Variants in RBFOX1 observed in about 807,000 individuals in gnomAD.
The protein encoded by RBFOX1 is RNA binding fox-1 homolog 1.
Under a neutral mutation model 57.7 loss-of-function variants are expected in RBFOX1, and 8 were observed. That is an observed-to-expected ratio of 0.14 (90% CI 0.08 to 0.25). RBFOX1 has a LOEUF of 0.25. Among genes scored for constraint, RBFOX1 ranks in the 10% least tolerant of loss-of-function variants. The pLI is 1.00. For missense variants in RBFOX1, 611 were observed against 548.5 expected (o/e 1.11, Z -1.14); for synonymous variants, 326 against 222.4 (o/e 1.47, Z -4.15).
At chr16:6,367,451 T>C (rs1305805603) in intron 2 of RBFOX1, among the ~76,000 whole-genome samples, 2 of 152,092 alleles carry the variant, frequency 1.3e-5, no homozygotes, top group African/African-American at 4.8e-5. Flanking sequence ...TTTGCATTTT[T>C]ACTAGAGACA....
At chr16:6,089,179 C>G (rs959730947) in intron 1 of RBFOX1, among the ~76,000 whole-genome samples, 13 of 151,592 alleles carry the variant, frequency 8.6e-5, no homozygotes, top group Admixed American at 4.6e-4. Context: ...GCGAGAATTG[C>G]TAAAGTTGAG....
At position 7,317,552 on chromosome 16, in the gene RBFOX1, A is replaced by G. The variant is rs565908604; in HGVS notation, c.28-200595A>G. ...TATGAGTTGGTAGCAGTCACCAAAG[A>G]CAAAGGCACTCACCAGCTTGGTAAG... On this transcript the variant is annotated intron_variant, in intron 4 of 15. Transcript: ENST00000550418. Among the ~76,000 whole-genome samples, 109 of 152,288 alleles carry G rather than the reference A, an allele frequency of 7.2e-4. No homozygotes were observed. The South Asian group carries it at 0.018, about 25-fold the overall frequency.
At chr16:6,912,802 G>T (rs543881484) in intron 3 of RBFOX1, among the ~76,000 whole-genome samples, 1 of 151,228 alleles carries the variant, frequency 6.6e-6, no homozygotes, top group Non-Finnish European at 1.5e-5. Flanking sequence ...TTTTTTTTAA[G>T]ACAGACTTTG....
At chr16:5,679,517 C>T (rs375339880) in intron 3 of RBFOX1, among the ~76,000 whole-genome samples, 6 of 152,030 alleles carry the variant, frequency 3.9e-5, no homozygotes, top group African/African-American at 9.7e-5. Flanking sequence ...CCCCACCCCC[C>T]GACAGGTCCC....
At chr16:7,290,968 A>C (rs1017799468) in intron 4 of RBFOX1, among the ~76,000 whole-genome samples, 9 of 152,222 alleles carry the variant, frequency 5.9e-5, no homozygotes, top group African/African-American at 1.9e-4. Flanking sequence ...CAAAACATAC[A>C]AGAATGCACA....
intron 3 of RBFOX1, among the ~76,000 whole-genome samples, chr16:5,766,560 G>C (rs1239507634): frequency 6.6e-6 from 1 of 152,128 alleles, no homozygotes; most frequent in African/African-American, 2.4e-5. Flanking sequence ...ACTCCAGCCC[G>C]GGCAACAGTG....
At chr16:7,355,029 A>G (rs2097190821) in intron 4 of RBFOX1, among the ~76,000 whole-genome samples, 1 of 152,234 alleles carries the variant, frequency 6.6e-6, no homozygotes, top group Non-Finnish European at 1.5e-5. Context: ...CTTGCCCTGT[A>G]CCAGACAGTG....
chr16:7,404,028 C>CTTTTATTTTA (rs57717446), intron 4 of RBFOX1, among the ~76,000 whole-genome samples: 30,086 of 129,632 alleles, frequency 0.23, 4,562 homozygotes, highest in East Asian at 0.6. Flanking sequence ...ATTTCATTTC[C>CTTTTATTTTA]TTTTATTTTA....
At chr16:6,658,455 C>T (rs1291390690) in intron 3 of RBFOX1, among the ~76,000 whole-genome samples, 2 of 152,144 alleles carry the variant, frequency 1.3e-5, no homozygotes, top group African/African-American at 4.8e-5. Context: ...GATCCGCCTG[C>T]TTCAGCCTCC....
At chr16:6,388,774 C>T (rs933428) in intron 2 of RBFOX1, among the ~76,000 whole-genome samples, 76,093 of 152,012 alleles carry the variant, frequency 0.5, 19,311 homozygotes, top group South Asian at 0.73. Context: ...AATTCCATCA[C>T]TTGTGGCAAT....
intron 2 of RBFOX1, among the ~76,000 whole-genome samples, chr16:5,586,887 A>G (rs1264691683): frequency 1.3e-5 from 2 of 152,194 alleles, no homozygotes; most frequent in Non-Finnish European, 2.9e-5. Flanking sequence ...TGAAATGCTG[A>G]CACTCTTAGC....
intron 2 of RBFOX1, among the ~76,000 whole-genome samples, chr16:5,500,330 C>A (rs2043151296): frequency 6.6e-6 from 1 of 151,982 alleles, no homozygotes; most frequent in South Asian, 2.1e-4. Context: ...TCAAGTGATC[C>A]TCCCACCTCA....
chr16:6,607,559 C>T (rs2097956489), intron 2 of RBFOX1, among the ~76,000 whole-genome samples: 1 of 147,016 alleles, frequency 6.8e-6, no homozygotes, highest in South Asian at 2.1e-4. Context: ...CTCTTTCCCT[C>T]TTCCTCCTCT....
chr16:6,540,366 C>T (rs1043354908), intron 2 of RBFOX1, among the ~76,000 whole-genome samples: 1 of 151,584 alleles, frequency 6.6e-6, no homozygotes, highest in African/African-American at 2.4e-5. Flanking sequence ...GTAATCCCAG[C>T]ACTTTGGGAG....
intron 3 of RBFOX1, among the ~76,000 whole-genome samples, chr16:6,757,698 G>A (rs1344085861): frequency 6.6e-6 from 1 of 152,094 alleles, no homozygotes; most frequent in African/African-American, 2.4e-5. Context: ...CAAACATATG[G>A]TTAGATAGGA....
rs183014485 is a variant in RBFOX1, at chr16:7,284,839, C to G, written c.27+232741C>G. Among the ~76,000 whole-genome samples the G allele has an allele frequency of 9.5e-4, 144 of 152,268 alleles. 1 individual carries two copies. The highest frequency in any genetic ancestry group is 3.4e-3 in the African/African-American group (141 of 41,552). On this transcript the variant is annotated intron_variant, in intron 4 of 15. Transcript: ENST00000550418. Reference sequence around the variant, plus strand: ...GAGTGTTAGAGCTTTAAGATGGCCCCTCATCTTTTGGCCACTGCCTTCTTG... The same window carrying G: ...GAGTGTTAGAGCTTTAAGATGGCCCGTCATCTTTTGGCCACTGCCTTCTTG...
rs554488863 is a variant in RBFOX1, at chr16:7,665,862, G to A, written c.930+894G>A. ...AAATTGGTATCATGTACTAGAAGAT[G>A]AATAAGGCACTGATTATTGTATTCC... On this transcript the variant is annotated intron_variant, in intron 13 of 15. Transcript: ENST00000550418. 2.8e-4 allele frequency among the ~76,000 whole-genome samples: 42 copies of A among 152,238 alleles called. 1 individual carries two copies. The highest frequency in any genetic ancestry group is 1.0e-3 in the African/African-American group (42 of 41,544).
chr16:6,948,314 G>T lies in RBFOX1; in HGVS notation c.-15-103743G>T, dbSNP rs183445973. On this transcript the variant is annotated intron_variant, in intron 3 of 15. Coordinates refer to ENST00000550418, the MANE Select transcript of RBFOX1 (RefSeq NM_018723.4). ...TTTAATTTAAAACAAACAAAATAAA[G>T]CCAGGTAATGGAAACAAACTCTGAC... Among the ~76,000 whole-genome samples the T allele has an allele frequency of 1.3e-3, 190 of 142,136 alleles. 1 individual carries two copies. Among genetic ancestry groups the T allele is most frequent in the African/African-American group, 4.5e-3 (177 of 39,116 alleles). The allele number at this position is 142,136 out of a possible 152,430, so 93.2% of individuals were successfully genotyped here.
rs575700532 is a variant in RBFOX1, at chr16:7,241,583, A to T, written c.27+189485A>T. Among the ~76,000 whole-genome samples the T allele has an allele frequency of 1.2e-4, 18 of 152,280 alleles. No homozygotes were observed. The South Asian group carries it at 3.7e-3, about 32-fold the overall frequency. On this transcript the variant is annotated intron_variant, in intron 4 of 15. Coordinates refer to ENST00000550418, the MANE Select transcript of RBFOX1 (RefSeq NM_018723.4). ...TTTGTTTGGGTTGGGGCATTGCAAG[A>T]GGGTTACTTAAAATGTTTTATCTGG...
Sources: allele counts gnomAD v4.1 joint callset (sites outside exome capture counted in the v4.1 genomes callset), GRCh38; gene constraint gnomAD v4.1.1; transcripts MANE v1.5; gene names NCBI Gene and HGNC (gene_info 2026-07-23, HGNC 2026-07-21).